CACNA1C: variants seen among roughly 807,000 people sequenced by gnomAD.
CACNA1C encodes voltage-dependent L-type calcium channel subunit alpha-1C.
A neutral mutation model predicts 229.0 loss-of-function variants in CACNA1C; 30 were observed. The ratio of observed to expected loss-of-function variants is 0.13; its 90% confidence interval spans 0.10 to 0.18. The LOEUF is 0.18. CACNA1C is among the 10% of genes least tolerant of loss of function. The pLI, the probability that CACNA1C is intolerant of heterozygous loss-of-function variation, is 1.00. For synonymous variants in CACNA1C, 1,114 were observed against 1,132.5 expected (o/e 0.98, Z 0.33); for missense variants, 1,658 against 2,845.0 (o/e 0.58, Z 9.49).
chr12:2,178,833 G>A lies in CACNA1C; in HGVS notation c.477+58403G>A, dbSNP rs566837359. 9.0e-4 allele frequency among the ~76,000 whole-genome samples: 137 copies of A among 152,182 alleles called. 1 individual carries two copies. The South Asian group carries it at 0.015, about 16-fold the overall frequency. ...TCTCAGCACTTTGGGAGGCCGAGGC[G>A]GGCAGATCACCCGAGGTCAGGAGTT... On this transcript the variant is annotated intron_variant, in intron 3 of 46. Transcript: ENST00000399655.
At chr12:2,005,285 A>G (rs1200672375) in intron 1 of CACNA1C, among the ~76,000 whole-genome samples, 2 of 152,218 alleles carry the variant, frequency 1.3e-5, no homozygotes, top group Non-Finnish European at 2.9e-5. Context: ...AATAGGAAAT[A>G]GGCATAAAGC....
chr12:2,080,934 T>C (rs2065342304), intron 1 of CACNA1C, among the ~76,000 whole-genome samples: 1 of 152,052 alleles, frequency 6.6e-6, no homozygotes, highest in Non-Finnish European at 1.5e-5. Flanking sequence ...TAGGAAACAG[T>C]GGAGAGAATG....
chr12:2,296,427 G>C (rs559115891), intron 3 of CACNA1C, among the ~76,000 whole-genome samples: 2 of 152,226 alleles, frequency 1.3e-5, no homozygotes, highest in Admixed American at 1.3e-4. Context: ...CTCTGGGGGA[G>C]TCCAAGATCA....
chr12:2,649,682 TTTTTTTG>T lies in CACNA1C; in HGVS notation c.3945+1179_3945+1185del, dbSNP rs1358252266. 7.2e-6 allele frequency among the ~76,000 whole-genome samples: 1 copy of T among 139,102 alleles called. No individual in the cohort carries two copies. Among genetic ancestry groups the T allele is most frequent in the Non-Finnish European group, 1.5e-5 (1 of 64,782 alleles). 91.3% of individuals were successfully genotyped at this position (139,102 alleles called of 152,430 possible). A position where few individuals can be genotyped will look rare whatever the true frequency, so the allele number is the denominator to read the frequency against. ...AGCTTGGTGTTTGGCGTTTTTTGGG[TTTTTTTG>T]TTTGTTTATTTTGTTTTTTTAACTG... On this transcript the variant is annotated intron_variant, in intron 31 of 46. Transcript: ENST00000399655. This position sits in a 1 kb window ranked among gnomAD's most constrained non-coding sequence, Gnocchi z 4.4.
intron 7 of CACNA1C, among the ~76,000 whole-genome samples, chr12:2,500,104 G>A (rs377349297): frequency 1.2e-4 from 19 of 152,280 alleles, no homozygotes; most frequent in African/African-American, 4.3e-4. Flanking sequence ...CCCTGGCCTC[G>A]TCCGTCTCCA....
intron 3 of CACNA1C, among the ~76,000 whole-genome samples, chr12:2,244,100 C>T (rs1453421352): frequency 6.6e-6 from 1 of 152,224 alleles, no homozygotes; most frequent in East Asian, 1.9e-4. Flanking sequence ...GCATCCTGCC[C>T]ACTCTGTGGG....
intron 5 of CACNA1C, among the ~76,000 whole-genome samples, chr12:2,462,407 G>T (rs1055998841): frequency 1.7e-4 from 26 of 151,134 alleles, no homozygotes; most frequent in Non-Finnish European, 3.4e-4. Context: ...CTCACTCCCC[G>T]TTCATCCACC....
rs558519390 is a variant in CACNA1C at position 2,413,514 on chromosome 12, CAT to C, written c.478-35461_478-35460del. Among the ~76,000 whole-genome samples, 576 of 152,264 alleles carry C rather than the reference CAT, an allele frequency of 3.8e-3. 3 individuals carry two copies. Among genetic ancestry groups the C allele is most frequent in the African/African-American group, 0.013 (541 of 41,550 alleles). On this transcript the variant is annotated intron_variant, in intron 3 of 46. Transcript: ENST00000399655. ...GGAAATGTTAATTTATTGGACCAGA[CAT>C]GTGTCAACAGAGCTCTGATAAAATG...
rs961376711 is a variant in CACNA1C, at chr12:2,152,265, G to T, written c.477+31835G>T. 3.3e-5 allele frequency among the ~76,000 whole-genome samples: 5 copies of T among 152,228 alleles called. No individual in the cohort carries two copies. The highest frequency in any genetic ancestry group is 1.2e-4 in the African/African-American group (5 of 41,464). On this transcript the variant is annotated intron_variant, in intron 3 of 46. Transcript: ENST00000399655. This position sits in a 1 kb window ranked among gnomAD's most constrained non-coding sequence, Gnocchi z 4.2. ...CTCTTTCATAGGGATAGAATTTTCAGCTGGGCACATGACTGCTTAGAATGA... is the reference window on the plus strand; with the variant it reads ...CTCTTTCATAGGGATAGAATTTTCATCTGGGCACATGACTGCTTAGAATGA...
At chr12:2,459,020 G>C (rs1596951367) in intron 5 of CACNA1C, among the ~76,000 whole-genome samples, 1 of 110,702 alleles carries the variant, frequency 9.0e-6, no homozygotes, top group African/African-American at 3.6e-5. Context: ...GTCACACTCT[G>C]TCCCCAGGCT....
rs760587144 is a variant in CACNA1C at position 2,668,974 on chromosome 12, A to G, written c.4665A>G (p.Thr1555=). The part of the protein sequence containing the change: ...SMNMPLNSDG[T]VMFNATLFAL... ...ACATGCCTCTGAACAGCGACGGGAC[A>G]GTCATGTTCAATGCCACCCTGTTTG... Residue 1555 remains threonine, a synonymous_variant, in exon 38 of 47, where the codon ACA becomes ACG. Transcript: ENST00000399655. 6.2e-7 allele frequency: 1 copy of G among 1,614,174 alleles called. No individual in the cohort carries two copies.
At chr12:2,332,975 A>G (rs2096592455) in intron 3 of CACNA1C, among the ~76,000 whole-genome samples, 1 of 152,212 alleles carries the variant, frequency 6.6e-6, no homozygotes, top group South Asian at 2.1e-4. Flanking sequence ...TGAAGTTCTG[A>G]GTCTTTCTGT....
chr12:2,110,936 T>TACCTGTCTCACCTGAGAGGCCAC (rs2081423902), intron 1 of CACNA1C, among the ~76,000 whole-genome samples: 2 of 97,794 alleles, frequency 2.0e-5, no homozygotes, highest in Admixed American at 2.0e-4. Flanking sequence ...CGAGAGGCCA[T>TACCTGTCTCACCTGAGAGGCCAC]ACCTGTCTCA....
chr12:2,270,619 C>T (rs1036482030), intron 3 of CACNA1C, among the ~76,000 whole-genome samples: 2 of 152,154 alleles, frequency 1.3e-5, no homozygotes, highest in Non-Finnish European at 1.5e-5. Context: ...GGCCATGCCA[C>T]CCAGCCAGAC....
At position 2,066,310 on chromosome 12, in the gene CACNA1C, A is replaced by G. The variant is rs754643993; in HGVS notation, c.49+12699A>G. On this transcript the variant is annotated intron_variant, in intron 1 of 46. Transcript: ENST00000399655. Reference sequence around the variant, plus strand: ...AGCTGTGGAGGTGGAGCCATTGGGGAGAGAGAGAGCAGAGGGAAGGAACGA... The same window carrying G: ...AGCTGTGGAGGTGGAGCCATTGGGGGGAGAGAGAGCAGAGGGAAGGAACGA... Among the ~76,000 whole-genome samples, 11 of 152,030 alleles carry G rather than the reference A, an allele frequency of 7.2e-5. No individual in the cohort carries two copies. The East Asian group carries it at 1.2e-3, about 16-fold the overall frequency.
intron 3 of CACNA1C, among the ~76,000 whole-genome samples, chr12:2,163,069 A>G (rs2095986193): frequency 6.6e-6 from 1 of 152,004 alleles, no homozygotes; most frequent in Admixed American, 6.6e-5. Flanking sequence ...GTGGTGGTGC[A>G]TGCTTGTAAT....
At chr12:2,586,577 G>A (rs116652004) in intron 18 of CACNA1C, among the ~76,000 whole-genome samples, 3 of 152,128 alleles carry the variant, frequency 2.0e-5, no homozygotes, top group African/African-American at 4.8e-5. Flanking sequence ...AGATATTATC[G>A]CCAGTTTCAA....
At chr12:2,201,682 C>A (rs1199582607) in intron 3 of CACNA1C, among the ~76,000 whole-genome samples, 2 of 152,216 alleles carry the variant, frequency 1.3e-5, no homozygotes, top group Non-Finnish European at 2.9e-5. Flanking sequence ...CCTCATGACC[C>A]TAACAACAAG....
chr12:2,226,187 A>G (rs2062974350), intron 3 of CACNA1C, among the ~76,000 whole-genome samples: 1 of 151,428 alleles, frequency 6.6e-6, no homozygotes, highest in African/African-American at 2.4e-5. Flanking sequence ...TTCTTCATAC[A>G]GGGGTAGTAA....
Sources: allele counts gnomAD v4.1 joint callset (sites outside exome capture counted in the v4.1 genomes callset), GRCh38; gene constraint gnomAD v4.1.1; non-coding constraint Gnocchi (gnomAD v3.1); transcripts MANE v1.5; gene names NCBI Gene and HGNC (gene_info 2026-07-23, HGNC 2026-07-21).